The following ZYG11B variants were observed in gnomAD, a reference collection of about 807,000 sequenced individuals.
ZYG11B encodes the protein protein zyg-11 homolog B.
Under a neutral mutation model 82.4 loss-of-function variants are expected in ZYG11B, and 36 were observed. The ratio of observed to expected loss-of-function variants is 0.44; its 90% CI spans 0.33 to 0.58. The LOEUF (loss-of-function observed/expected upper bound fraction) is 0.58. Ranked by LOEUF, ZYG11B falls within the 20% of genes least tolerant of loss-of-function variation. The probability of loss-of-function intolerance (pLI) is 0.02; values close to 1 mark genes in which losing one functional copy is unlikely to be tolerated. For synonymous variants in ZYG11B, 303 were observed against 312.8 expected, an observed-to-expected ratio of 0.97 and a Z score of 0.33; for missense variants, 552 against 895.6, an observed-to-expected ratio of 0.62 and a Z score of 4.90.
At chr1:52,772,805 G>C (rs1024240775) in intron 3 of ZYG11B, among the ~76,000 whole-genome samples, 1 of 151,968 alleles carries the variant, frequency 6.6e-6, no homozygotes, top group Non-Finnish European at 1.5e-5. Flanking sequence ...AGTCCCCTGA[G>C]TAACTGGGAC....
At chr1:52,756,406 A>C in intron 1 of ZYG11B, 52 bp from the exon 2 acceptor site, 2 of 1,561,624 alleles carry the variant, frequency 1.3e-6, no homozygotes, top group South Asian at 2.3e-5. Flanking sequence ...CTTTTCTGGA[A>C]ACTAACTAGT....
chr1:52,796,782 AG>A lies in ZYG11B; in HGVS notation c.1485+1del, dbSNP rs765988328. ...GCTTGGTACTGAGCTCTTCATTGTC[AG>A]GGTAAGTCTATAATCTCCTCCATTC... is the stretch of plus-strand genomic sequence containing the variant. ...AQLGTELFIV[R>X]QLLQIVKQKT... On this transcript the variant is annotated frameshift_variant and splice_region_variant, in exon 8 of 14. Transcript: ENST00000294353. LOFTEE classifies it high-confidence loss of function. 6.4e-7 allele frequency: 1 copy of A among 1,558,970 alleles called. No individual in the cohort carries two copies. The highest frequency in any genetic ancestry group is 1.2e-5 in the South Asian group (1 of 84,040).
At chr1:52,755,310 A>G (rs945377111) in intron 1 of ZYG11B, among the ~76,000 whole-genome samples, 1 of 151,834 alleles carries the variant, frequency 6.6e-6, no homozygotes, top group Non-Finnish European at 1.5e-5. Flanking sequence ...ATATCAATTG[A>G]CCACGAATGT....
intron 10 of ZYG11B, among the ~76,000 whole-genome samples, chr1:52,804,520 T>C (rs1334787041): frequency 6.6e-6 from 1 of 151,428 alleles, no homozygotes; most frequent in Non-Finnish European, 1.5e-5. Flanking sequence ...GGCTGAGGCA[T>C]GAGAATCGCT....
intron 2 of ZYG11B, among the ~76,000 whole-genome samples, chr1:52,766,387 A>G (rs1369525389): frequency 6.8e-6 from 1 of 147,446 alleles, no homozygotes; most frequent in Non-Finnish European, 1.5e-5. Flanking sequence ...CCAAAGTGCC[A>G]CCGCGCCTGG....
intron 10 of ZYG11B, among the ~76,000 whole-genome samples, chr1:52,811,560 C>T (rs1645183113): frequency 6.6e-6 from 1 of 152,184 alleles, no homozygotes; most frequent in African/African-American, 2.4e-5. Flanking sequence ...CCCACCTCAA[C>T]CTCCTGTGCT....
intron 13 of ZYG11B, among the ~76,000 whole-genome samples, chr1:52,819,798 T>TA (rs1558145986): frequency 6.8e-6 from 1 of 146,022 alleles, no homozygotes; most frequent in African/African-American, 2.5e-5. Context: ...AAAAAAATAA[T>TA]AATAATAATA....
intron 1 of ZYG11B, among the ~76,000 whole-genome samples, chr1:52,735,363 AT>A (rs1346719611): frequency 6.6e-6 from 1 of 152,194 alleles, no homozygotes. Flanking sequence ...GAAGAACAAT[AT>A]GTCTTCAGCA....
chr1:52,785,177 T>C (rs1644902830), intron 5 of ZYG11B, 124 bp downstream of exon 5: 1 of 1,076,888 alleles, frequency 9.3e-7, no homozygotes, highest in African/African-American at 1.6e-5. Context: ...TATGACTGAG[T>C]GTAAGAAAAC....
chr1:52,730,097 T>C (rs773831956), intron 1 of ZYG11B, among the ~76,000 whole-genome samples: 1 of 152,126 alleles, frequency 6.6e-6, no homozygotes, highest in East Asian at 1.9e-4. Context: ...CGTGAACTAC[T>C]ACAAAAGTTT....
Position 52,783,873 on chromosome 1 carries a change from C to T in ZYG11B, c.1093-1004C>T, listed in dbSNP as rs534617968. 6.7e-4 allele frequency among the ~76,000 whole-genome samples: 67 copies of T among 99,844 alleles called. 2 individuals carry two copies. Among genetic ancestry groups the T allele is most frequent in the African/African-American group, 3.5e-3 (50 of 14,174 alleles). 65.5% of individuals were successfully genotyped at this position (99,844 alleles called of 152,430 possible). A position where few individuals can be genotyped will look rare whatever the true frequency, so the allele number is the denominator to read the frequency against. On this transcript the variant is annotated intron_variant, in intron 4 of 13. Coordinates refer to ENST00000294353, the MANE Select transcript of ZYG11B (RefSeq NM_024646.3). ...ACACGTGTGTGTGTATGTACATACA[C>T]GTGTGTGTATATGTACATACACGTG... is the stretch of plus-strand genomic sequence containing the variant.
intron 3 of ZYG11B, among the ~76,000 whole-genome samples, chr1:52,775,875 T>G (rs1232375304): frequency 6.6e-6 from 1 of 151,160 alleles, no homozygotes; most frequent in Admixed American, 6.6e-5. Flanking sequence ...AGCAGCCAGA[T>G]GTGAGGGTTT....
At chr1:52,776,227 A>T (rs866686008) in intron 3 of ZYG11B, among the ~76,000 whole-genome samples, 6 of 2,916 alleles carry the variant, frequency 2.1e-3, no homozygotes, top group South Asian at 0.062. Flanking sequence ...CTTAAAAAAA[A>T]AAATATATAT....
At chr1:52,775,014 AATTG>A (rs1329765015) in intron 3 of ZYG11B, among the ~76,000 whole-genome samples, 9 of 151,826 alleles carry the variant, frequency 5.9e-5, no homozygotes, top group Non-Finnish European at 1.3e-4. Flanking sequence ...TATTTGTCAT[AATTG>A]ATCTTTGCCT....
intron 1 of ZYG11B, among the ~76,000 whole-genome samples, chr1:52,733,358 T>G (rs1278285797): frequency 6.6e-6 from 1 of 152,158 alleles, no homozygotes; most frequent in East Asian, 1.9e-4. Flanking sequence ...CAAGAGTATA[T>G]TTTTTGTATA....
intron 8 of ZYG11B, among the ~76,000 whole-genome samples, chr1:52,797,460 GAT>G (rs1290741357): frequency 9.9e-5 from 6 of 60,656 alleles, no homozygotes; most frequent in Admixed American, 3.1e-4. Flanking sequence ...TATCATATAT[GAT>G]ATATATATTA....
chr1:52,772,398 A>G, intron 3 of ZYG11B: 2 of 1,554,552 alleles, frequency 1.3e-6, no homozygotes, highest in African/African-American at 1.4e-5. Flanking sequence ...ATCTTCAGGA[A>G]GATCAGGAGC....
chr1:52,741,562 C>T (rs1644431976), intron 1 of ZYG11B, among the ~76,000 whole-genome samples: 1 of 152,160 alleles, frequency 6.6e-6, no homozygotes, highest in South Asian at 2.1e-4. Context: ...TTATGCTTAA[C>T]AATAAATTCA....
chr1:52,728,172 T>G (rs1644300744), intron 1 of ZYG11B, among the ~76,000 whole-genome samples: 2 of 152,188 alleles, frequency 1.3e-5, no homozygotes, highest in Non-Finnish European at 1.5e-5. Context: ...GCTTGAATGA[T>G]TCACTTTATG....
Sources: gnomAD v4.1 joint callset for allele counts (sites outside exome capture counted in the v4.1 genomes callset) on GRCh38, gnomAD v4.1.1 for gene constraint, MANE v1.5 for transcripts, NCBI Gene and HGNC (gene_info 2026-07-23, HGNC 2026-07-21) for gene names.